LMNA: variants seen among roughly 807,000 people sequenced by gnomAD.
The protein encoded by LMNA is lamin A/C.
Under a neutral mutation model 70.4 loss-of-function variants are expected in LMNA, and 20 were observed. The observed-to-expected ratio is 0.28, with a 90% CI of 0.20 to 0.41. LMNA has a LOEUF of 0.41. LMNA is among the 10% of genes least tolerant of loss of function. LMNA has a pLI of 1.00. For missense variants in LMNA, 652 were observed against 917.2 expected (o/e 0.71, Z 3.73); for synonymous variants, 339 against 372.8 (o/e 0.91, Z 1.04).
rs1163876870 is a variant in LMNA, at chr1:156,135,430, A to T, written c.936+118A>T. The T allele has an allele frequency of 3.7e-6, 5 of 1,338,226 alleles. No individual in the cohort carries two copies. In the East Asian group the frequency reaches 1.3e-4, roughly 34 times the overall value. 82.9% of individuals were successfully genotyped at this position (1,338,226 alleles called of 1,614,324 possible). ...GAGGTTCCTGAGGAGGAGAGGGATG[A>T]AAAGTGTCCCCACAACCACAGAGAA... On this transcript the variant is annotated intron_variant, in intron 5 of 11. Transcript: ENST00000368300. This position sits in a 1 kb window ranked among gnomAD's most constrained non-coding sequence, Gnocchi z 4.8.
chr1:156,084,494 T>A (rs1648409940), intron 2 of LMNA, among the ~76,000 whole-genome samples: 1 of 151,970 alleles, frequency 6.6e-6, no homozygotes, highest in South Asian at 2.1e-4. Flanking sequence ...TAAACCTTAT[T>A]GTGGGATTTG....
intron 2 of LMNA, among the ~76,000 whole-genome samples, chr1:156,084,846 C>T (rs1291192598): frequency 1.3e-5 from 2 of 152,238 alleles, no homozygotes; most frequent in East Asian, 1.9e-4. Flanking sequence ...CTTTCCTCCT[C>T]ACTAAGCTAA....
At chr1:156,105,438 T>A (rs1012681856) in intron 3 of LMNA, among the ~76,000 whole-genome samples, 1 of 151,994 alleles carries the variant, frequency 6.6e-6, no homozygotes, top group Non-Finnish European at 1.5e-5. Flanking sequence ...CCACTCCTCC[T>A]GAGAGTGCCC....
intron 1 of LMNA, among the ~76,000 whole-genome samples, chr1:156,121,398 A>C: frequency 6.6e-6 from 1 of 152,044 alleles, no homozygotes; most frequent in Non-Finnish European, 1.5e-5. Context: ...GGGGGTGAGA[A>C]GTACTTAAAA....
chr1:156,094,926 A>AT (rs1201138306), intron 3 of LMNA, among the ~76,000 whole-genome samples: 3,535 of 127,726 alleles, frequency 0.028, 195 homozygotes, highest in African/African-American at 0.092. Flanking sequence ...CAACCAGCTA[A>AT]TTTTTTTTTT....
chr1:156,108,747 C>A (rs12144377), intron 3 of LMNA, among the ~76,000 whole-genome samples: 1 of 151,248 alleles, frequency 6.6e-6, no homozygotes, highest in Non-Finnish European at 1.5e-5. Context: ...GCCCAGGCAA[C>A]GGGCGAAACT....
Position 156,135,633 on chromosome 1 carries a change from T to C in LMNA, c.937-268T>C. ...GGTGTTAAAAGCATCAGTATTTTTC[T>C]AGTTGGCTGTGCTATTTGTGACAGG... On this transcript the variant is annotated intron_variant, in intron 5 of 11. Coordinates refer to ENST00000368300, the MANE Select transcript of LMNA (RefSeq NM_170707.4). This position sits in a 1 kb window ranked among gnomAD's most constrained non-coding sequence, Gnocchi z 4.8. The C allele has an allele frequency of 5.1e-6, 3 of 592,204 alleles. No individual in the cohort carries two copies. The South Asian group carries it at 6.1e-5, about 12-fold the overall frequency. 36.7% of individuals were successfully genotyped at this position (592,204 alleles called of 1,614,324 possible).
chr1:156,122,828 A>G (rs758427291), intron 1 of LMNA, among the ~76,000 whole-genome samples: 3 of 152,186 alleles, frequency 2.0e-5, no homozygotes, highest in Non-Finnish European at 4.4e-5. Context: ...TCCAGCACCC[A>G]TACTGGCTCC....
chr1:156,114,862 G>C lies in LMNA; in HGVS notation c.-57G>C, dbSNP rs896087668. The C allele has an allele frequency of 1.6e-6, 2 of 1,251,942 alleles. No homozygotes were observed. The highest frequency in any genetic ancestry group is 2.5e-5 in the Admixed American group (1 of 39,248). 77.6% of individuals were successfully genotyped at this position (1,251,942 alleles called of 1,614,324 possible). On this transcript the variant is annotated 5_prime_UTR_variant, in exon 1 of 12. Transcript: ENST00000368300. Reference sequence around the variant, plus strand: ...GAGCAGTCTCTGTCCTTCGACCCGAGCCCCGCGCCCTTTCCGGGACCCCTG... The same window carrying C: ...GAGCAGTCTCTGTCCTTCGACCCGACCCCCGCGCCCTTTCCGGGACCCCTG...
chr1:156,097,038 G>A (rs1183415954), intron 3 of LMNA, among the ~76,000 whole-genome samples: 2 of 152,214 alleles, frequency 1.3e-5, no homozygotes, highest in African/African-American at 2.4e-5. Flanking sequence ...GGGCCAACCT[G>A]AGAGGTTGGG....
At chr1:156,092,882 CTTTT>C (rs991911451) in intron 3 of LMNA, among the ~76,000 whole-genome samples, 6 of 148,078 alleles carry the variant, frequency 4.1e-5, no homozygotes, top group African/African-American at 1.2e-4. Flanking sequence ...CTTTTCTTTT[CTTTT>C]TTTCTTTTTT....
chr1:156,139,982 G>A lies in LMNA; in HGVS notation c.*876G>A, dbSNP rs1383602811. 1 of 721,444 alleles carries A rather than the reference G, an allele frequency of 1.4e-6. No homozygotes were observed. Among genetic ancestry groups the A allele is most frequent in the African/African-American group, 1.9e-5 (1 of 53,526 alleles). The allele number at this position is 721,444 out of a possible 1,614,324, so 44.7% of individuals were successfully genotyped here. A position where few individuals can be genotyped will look rare whatever the true frequency, so the allele number is the denominator to read the frequency against. ...GAGGAAGGCAAGAGGGGGTGGAGGG[G>A]TGTGGCAGTGGTTTTGGCAAACGCT... On this transcript the variant is annotated 3_prime_UTR_variant, in exon 12 of 12. Coordinates refer to ENST00000368300, the MANE Select transcript of LMNA (RefSeq NM_170707.4).
At chr1:156,113,519 C>T (rs560592939), upstream of LMNA, among the ~76,000 whole-genome samples, 25 of 152,202 alleles carry the variant, frequency 1.6e-4, no homozygotes, top group South Asian at 5.2e-3. Flanking sequence ...TCCCCAGAGC[C>T]AGCTGCAGAA....
chr1:156,100,991 T>C (rs1649120615), intron 3 of LMNA, among the ~76,000 whole-genome samples: 2 of 152,036 alleles, frequency 1.3e-5, no homozygotes, highest in African/African-American at 2.4e-5. Context: ...GTAAAGTAAA[T>C]GCCATGTCTG....
Position 156,138,284 on chromosome 1 carries a change from C to T in LMNA, c.1699-204C>T, listed in dbSNP as rs1651840639. 3.3e-6 allele frequency: 2 copies of T among 608,844 alleles called. No homozygotes were observed. The highest frequency in any genetic ancestry group is 5.8e-6 in the Non-Finnish European group (2 of 344,436). The allele number at this position is 608,844 out of a possible 1,614,324, so 37.7% of individuals were successfully genotyped here. A position where few individuals can be genotyped will look rare whatever the true frequency, so the allele number is the denominator to read the frequency against. ...CTCTGGTTCTCTGTCCCCAAGTCTTCCTGAGCCTTCTCCCCTTTTATGTCT... is the reference window on the plus strand; with the variant it reads ...CTCTGGTTCTCTGTCCCCAAGTCTTTCTGAGCCTTCTCCCCTTTTATGTCT... On this transcript the variant is annotated intron_variant, in intron 10 of 11. Coordinates refer to ENST00000368300, the MANE Select transcript of LMNA (RefSeq NM_170707.4). The surrounding 1 kb of genome is among the most constrained non-coding windows in gnomAD (Gnocchi z 5.5).
At chr1:156,085,949 G>A (rs1366004618) in intron 2 of LMNA, among the ~76,000 whole-genome samples, 1 of 152,216 alleles carries the variant, frequency 6.6e-6, no homozygotes, top group Non-Finnish European at 1.5e-5. Context: ...GCAGCTACTT[G>A]GGAGGCTGAG....
rs71080746 is a variant in LMNA, at chr1:156,089,601, AAAAG to A, written c.-318-849_-318-846del. On this transcript the variant is annotated intron_variant, in intron 2 of 12. Transcript: ENST00000368301. ...AGAGCCAAACTCCGTCTAAAAAAAA[AAAAG>A]AAAGAAAGAAAGAAAGAAAGGTCTT... 3.2e-4 allele frequency among the ~76,000 whole-genome samples: 47 copies of A among 145,586 alleles called. 1 individual carries two copies. The highest frequency in any genetic ancestry group is 1.4e-3 in the East Asian group (7 of 5,000).
rs752208560 is a variant in LMNA, at chr1:156,134,796, C to T, written c.640-9C>T. 1.2e-6 allele frequency: 2 copies of T among 1,614,224 alleles called. No individual in the cohort carries two copies. Among genetic ancestry groups the T allele is most frequent in the South Asian group, 2.2e-5 (2 of 91,088 alleles). On this transcript the variant is annotated splice_polypyrimidine_tract_variant and intron_variant, in intron 3 of 11. Coordinates refer to ENST00000368300, the MANE Select transcript of LMNA (RefSeq NM_170707.4). This position sits in a 1 kb window ranked among gnomAD's most constrained non-coding sequence, Gnocchi z 5.3. ...TTTGGTTTCTGTGTCCTTCCTCCAACCCTTCCAGGAGCTGCGTGAGACCAA... is the reference window on the plus strand; with the variant it reads ...TTTGGTTTCTGTGTCCTTCCTCCAATCCTTCCAGGAGCTGCGTGAGACCAA...
In LMNA at chr1:156,121,304, C is replaced by T. The variant is rs545492103; in HGVS notation, c.356+6030C>T. ...GCTTAAGCAGTCCACCCACCTTGAC[C>T]TCCCAAAGTGCTGAGAGCCACTGAG... On this transcript the variant is annotated intron_variant, in intron 1 of 11. Coordinates refer to ENST00000368300, the MANE Select transcript of LMNA (RefSeq NM_170707.4). 2.6e-5 allele frequency among the ~76,000 whole-genome samples: 4 copies of T among 152,168 alleles called. No individual in the cohort carries two copies. The South Asian group carries it at 6.2e-4, about 24-fold the overall frequency.
Sources: allele counts gnomAD v4.1 joint callset (sites outside exome capture counted in the v4.1 genomes callset), GRCh38; gene constraint gnomAD v4.1.1; non-coding constraint Gnocchi (gnomAD v3.1); transcripts MANE v1.5; gene names NCBI Gene and HGNC (gene_info 2026-07-23, HGNC 2026-07-21).